RPL4: variants seen among roughly 807,000 people sequenced by gnomAD.
RPL4 encodes ribosomal protein L4.
Under a neutral mutation model 47.7 loss-of-function variants are expected in RPL4, and 3 were observed. That is an observed-to-expected ratio of 0.06 (90% confidence interval 0.03 to 0.16). RPL4 has a LOEUF of 0.16. Among genes scored for constraint, RPL4 ranks in the 10% least tolerant of loss-of-function variants. The pLI is 1.00. For missense variants in RPL4, 413 were observed against 551.3 expected (o/e 0.75, Z 2.51); for synonymous variants, 208 against 182.1 (o/e 1.14, Z -1.15).
chr15:66,500,932 A>C lies in RPL4; in HGVS notation c.833+17T>G. On this transcript the variant is annotated intron_variant, in intron 7 of 9. Transcript: ENST00000307961. Reference sequence around the variant, plus strand: ...CACAATATAAACATCTGTGCTTAGTATATGAAAGATACTTACTTGTAGTTA... The same window carrying C: ...CACAATATAAACATCTGTGCTTAGTCTATGAAAGATACTTACTTGTAGTTA... 1 of 1,612,320 alleles carries C rather than the reference A, an allele frequency of 6.2e-7. No individual in the cohort carries two copies. The highest frequency in any genetic ancestry group is 8.5e-7 in the Non-Finnish European group (1 of 1,179,268).
At position 66,500,062 on chromosome 15, in the gene RPL4, G is replaced by A; in HGVS notation, c.1032C>T (p.Ala344=). The A allele has an allele frequency of 1.9e-6, 3 of 1,611,728 alleles. No homozygotes were observed. The South Asian group carries it at 3.3e-5, about 18-fold the overall frequency. ...TMRRNTILRQ[A]RNHKLRVDKA... ...AAACAAAAACTCCACTCACATTCCT[G>A]GCCTGGCGAAGAATGGTGTTCCGGC... The change falls in exon 9 of 10, where the codon GCC becomes GCT. Residue 344 remains alanine, a synonymous_variant. Coordinates refer to ENST00000307961, the MANE Select transcript of RPL4 (RefSeq NM_000968.4).
chr15:66,500,628 T>A, intron 7 of RPL4: 1 of 542,298 alleles, frequency 1.8e-6, no homozygotes, highest in Non-Finnish European at 3.3e-6. Context: ...ACCCCAACTC[T>A]ACAATTAGCC....
chr15:66,504,259 G>C (rs1255956644), intron 1 of RPL4, among the ~76,000 whole-genome samples: 1 of 152,012 alleles, frequency 6.6e-6, no homozygotes, highest in Non-Finnish European at 1.5e-5. Flanking sequence ...TTAGTCCAAC[G>C]CAACTACCAT....
At chr15:66,502,528 A>G in intron 4 of RPL4, 84 bp downstream of exon 4, 1 of 1,413,790 alleles carries the variant, frequency 7.1e-7, no homozygotes, top group Non-Finnish European at 9.7e-7. Context: ...GAAATGGGTT[A>G]CTGTGAATAA....
intron 3 of RPL4, 107 bp from the exon 4 acceptor site, chr15:66,502,857 A>G (rs1166814905): frequency 1.3e-6 from 2 of 1,538,254 alleles, no homozygotes; most frequent in Non-Finnish European, 1.8e-6. Flanking sequence ...GCTTACTGAC[A>G]GCAGGCAACT....
chr15:66,504,357 C>G (rs1017055649), intron 1 of RPL4, among the ~76,000 whole-genome samples: 2 of 152,188 alleles, frequency 1.3e-5, no homozygotes, highest in South Asian at 2.1e-4. Flanking sequence ...TGTGGAAAAG[C>G]AGTACACATA....
At chr15:66,500,886 C>A in intron 7 of RPL4, 63 bp downstream of exon 7, 1 of 1,557,108 alleles carries the variant, frequency 6.4e-7, no homozygotes, top group South Asian at 1.2e-5. Flanking sequence ...AACATGTAAG[C>A]CAATTCTGAA....
intron 9 of RPL4, 137 bp downstream of exon 9, chr15:66,499,919 A>G (rs1006140352): frequency 8.8e-7 from 1 of 1,140,500 alleles, no homozygotes; most frequent in Non-Finnish European, 1.2e-6. Context: ...GCTACTTGGG[A>G]GGCTGAGACA....
At chr15:66,500,661 A>C (rs1893591731) in intron 7 of RPL4, 3 of 544,176 alleles carry the variant, frequency 5.5e-6, no homozygotes, top group Non-Finnish European at 9.7e-6. Context: ...ACAAGCCTGT[A>C]GTCCCAGGTA....
At position 66,501,917 on chromosome 15, in the gene RPL4, C is replaced by T; in HGVS notation, c.422-5G>A. 3 of 1,603,626 alleles carry T rather than the reference C, an allele frequency of 1.9e-6. No individual in the cohort carries two copies. The highest frequency in any genetic ancestry group is 2.5e-6 in the Non-Finnish European group (3 of 1,176,950). On this transcript the variant is annotated splice_region_variant and splice_polypyrimidine_tract_variant and intron_variant, in intron 4 of 9. Coordinates refer to ENST00000307961, the MANE Select transcript of RPL4 (RefSeq NM_000968.4). ...GAACTTCCTCAATACGATGACCTAACAAAAACCAATGACACTTACTTGGTT... is the reference window on the plus strand; with the variant it reads ...GAACTTCCTCAATACGATGACCTAATAAAAACCAATGACACTTACTTGGTT...
At chr15:66,502,027 G>A in intron 4 of RPL4, 115 bp from the exon 5 acceptor site, 1 of 1,309,314 alleles carries the variant, frequency 7.6e-7, no homozygotes, top group Non-Finnish European at 1.1e-6. Context: ...TGCCAAGTCA[G>A]AATTTCCACA....
At chr15:66,502,407 T>G in intron 4 of RPL4, 1 of 590,180 alleles carries the variant, frequency 1.7e-6, no homozygotes, top group East Asian at 3.0e-5. Flanking sequence ...TGGAGTACAT[T>G]TGATAACTGA....
chr15:66,500,760 T>A (rs1893594267), intron 7 of RPL4, 189 bp downstream of exon 7: 1 of 664,246 alleles, frequency 1.5e-6, no homozygotes, highest in East Asian at 2.8e-5. Context: ...CCAGCGTGGG[T>A]GAGACAGAAC....
rs758122877 is a variant in RPL4, at chr15:66,499,477, T to C, written c.1214A>G (p.Lys405Arg). 1.1e-5 allele frequency: 18 copies of C among 1,611,936 alleles called. No individual in the cohort carries two copies. The African/African-American group carries it at 2.3e-4, about 20-fold the overall frequency. Residue 405 changes from lysine to arginine, a missense_variant, in exon 10 of 10, where the codon AAG becomes AGG. Physicochemically the swap from Lys to Arg is conservative, Grantham distance 26. This residue lies in a region of RPL4 where 134 missense variants were observed against 122.7 expected (regional missense o/e 1.09). Coordinates refer to ENST00000307961, the MANE Select transcript of RPL4 (RefSeq NM_000968.4). ...PLVGKKAAATKKPAPEKKPAE... is the reference protein window; with the variant it reads ...PLVGKKAAATRKPAPEKKPAE... ...AGGCTTCTTTTCAGGGGCTGGTTTC[T>C]TGGTAGCTGCTGCCTTTTTTCCCAC...
At position 66,502,759 on chromosome 15, in the gene RPL4, C is replaced by T. The variant is rs1372192855; in HGVS notation, c.283-9G>A. On this transcript the variant is annotated splice_polypyrimidine_tract_variant and intron_variant, in intron 3 of 9. Coordinates refer to ENST00000307961, the MANE Select transcript of RPL4 (RefSeq NM_000968.4). ...CGGCCTCCACGACACATCTATTTTTCCAGTCAAGAATCACATTTCTCAAAT... is the reference window on the plus strand; with the variant it reads ...CGGCCTCCACGACACATCTATTTTTTCAGTCAAGAATCACATTTCTCAAAT... 6.2e-7 allele frequency: 1 copy of T among 1,613,928 alleles called. No homozygotes were observed. Among genetic ancestry groups the T allele is most frequent in the Non-Finnish European group, 8.5e-7 (1 of 1,180,012 alleles).
chr15:66,501,170 TG>T, intron 6 of RPL4, 65 bp from the exon 7 acceptor site: 1 of 1,595,976 alleles, frequency 6.3e-7, no homozygotes, highest in Non-Finnish European at 8.6e-7. Flanking sequence ...ATCATCTTTA[TG>T]GCTTAAGAGC....
chr15:66,499,113 C>G lies in RPL4; in HGVS notation c.*294G>C, dbSNP rs1176941312. On this transcript the variant is annotated 3_prime_UTR_variant, in exon 10 of 10. Transcript: ENST00000307961. Reference sequence around the variant, plus strand: ...CAGCCTCTGCGTTTCTGACCAAGTCCTGTTACACCTATTTTTCAAGCCACA... The same window carrying G: ...CAGCCTCTGCGTTTCTGACCAAGTCGTGTTACACCTATTTTTCAAGCCACA... 1.0e-5 allele frequency: 3 copies of G among 297,530 alleles called. No individual in the cohort carries two copies. In the East Asian group the frequency reaches 2.3e-4, roughly 23 times the overall value. The allele number at this position is 297,530 out of a possible 1,614,324, so 18.4% of individuals were successfully genotyped here. A position where few individuals can be genotyped will look rare whatever the true frequency, so the allele number is the denominator to read the frequency against.
In RPL4 at chr15:66,501,193, C is replaced by T. The variant is rs1460323792; in HGVS notation, c.677-88G>A. The stretch of plus-strand genomic sequence containing the variant: ...TATGGCTTAAGAGCTATAAAAGGTA[C>T]CTGAGAACTTATTAATTATGAAGTT... On this transcript the variant is annotated intron_variant, in intron 6 of 9. Transcript: ENST00000307961. The T allele has an allele frequency of 1.9e-6, 3 of 1,569,370 alleles. No individual in the cohort carries two copies. In the African/African-American group the frequency reaches 4.1e-5, roughly 21 times the overall value.
intron 9 of RPL4, 66 bp downstream of exon 9, chr15:66,499,990 T>A (rs1385333781): frequency 1.3e-6 from 2 of 1,594,534 alleles, no homozygotes; most frequent in African/African-American, 2.7e-5. Context: ...GCCATTGCAC[T>A]CCAGCCTGGG....
Sources: gnomAD v4.1 joint callset for allele counts (sites outside exome capture counted in the v4.1 genomes callset) on GRCh38, gnomAD v4.1.1 for gene constraint, gnomAD v4.1.1 regional missense constraint, MANE v1.5 for transcripts, NCBI Gene and HGNC (gene_info 2026-07-23, HGNC 2026-07-21) for gene names.